WDR41: variants seen among roughly 807,000 people sequenced by gnomAD.
WDR41 encodes WD repeat-containing protein 41.
In WDR41, 63 loss-of-function variants were observed where a neutral mutation model predicts 69.3. That is an observed-to-expected ratio of 0.91 (90% CI 0.74 to 1.12). The LOEUF is 1.12. Among genes scored for constraint, WDR41 ranks in the 50% most tolerant of loss-of-function variants. The probability of loss-of-function intolerance (pLI) is 0.00; values close to 1 mark genes in which losing one functional copy is unlikely to be tolerated. For missense variants in WDR41, 543 were observed against 534.5 expected (o/e 1.02, Z -0.16); for synonymous variants, 185 against 192.1 (o/e 0.96, Z 0.31).
At chr5:77,469,287 A>C (rs335653) in intron 2 of WDR41, among the ~76,000 whole-genome samples, 85,415 of 151,908 alleles carry the variant, frequency 0.56, 24,568 homozygotes, top group African/African-American at 0.68. Context: ...GACATACCTA[A>C]TGTAAATGAT....
chr5:77,515,311 G>T (rs1802277043), intron 1 of WDR41, among the ~76,000 whole-genome samples: 1 of 151,906 alleles, frequency 6.6e-6, no homozygotes, highest in Admixed American at 6.6e-5. Context: ...ATACACACTA[G>T]CTTAGGCCTA....
At chr5:77,511,457 T>C (rs867306663) in intron 1 of WDR41, among the ~76,000 whole-genome samples, 1 of 152,252 alleles carries the variant, frequency 6.6e-6, no homozygotes, top group Admixed American at 6.5e-5. Context: ...GCATTTGTGA[T>C]GACAGAAATC....
intron 2 of WDR41, among the ~76,000 whole-genome samples, chr5:77,478,772 G>A (rs1393456274): frequency 6.6e-6 from 1 of 150,428 alleles, no homozygotes; most frequent in Non-Finnish European, 1.5e-5. Flanking sequence ...GCACAAGACA[G>A]GGATGCCCTC....
intron 1 of WDR41, among the ~76,000 whole-genome samples, chr5:77,550,530 G>A (rs1469267108): frequency 6.6e-6 from 1 of 152,160 alleles, no homozygotes; most frequent in African/African-American, 2.4e-5. Context: ...AATCCATGAT[G>A]AGATACCATC....
At position 77,437,465 on chromosome 5, in the gene WDR41, A is replaced by T. The variant is rs192076526; in HGVS notation, c.1005-41T>A. ...ATCAGTAATACAAAAAGAGCGCACC[A>T]CTGAGGGCCAATGCTAAATTTGCAG... On this transcript the variant is annotated intron_variant, in intron 10 of 12. Coordinates refer to ENST00000296679, the MANE Select transcript of WDR41 (RefSeq NM_018268.4). 1.3e-4 allele frequency: 204 copies of T among 1,535,290 alleles called. No individual in the cohort carries two copies. The African/African-American group carries it at 2.4e-3, about 18-fold the overall frequency.
At chr5:77,496,994 G>A (rs1200788688), upstream of WDR41, among the ~76,000 whole-genome samples, 1 of 152,010 alleles carries the variant, frequency 6.6e-6, no homozygotes, top group African/African-American at 2.4e-5. Context: ...CATCCAATGG[G>A]GAAAGGACAG....
chr5:77,472,079 T>A (rs952630230), intron 2 of WDR41, among the ~76,000 whole-genome samples: 1 of 152,162 alleles, frequency 6.6e-6, no homozygotes, highest in African/African-American at 2.4e-5. Context: ...TCCACCATGA[T>A]CAAGTGGGCT....
At chr5:77,456,610 AATG>A (rs1799844519) in intron 5 of WDR41, among the ~76,000 whole-genome samples, 1 of 152,186 alleles carries the variant, frequency 6.6e-6, no homozygotes, top group Non-Finnish European at 1.5e-5. Flanking sequence ...CCTCCAGTAC[AATG>A]TTAAACAGAT....
intron 1 of WDR41, among the ~76,000 whole-genome samples, chr5:77,511,307 T>C (rs1406820424): frequency 1.3e-5 from 2 of 152,198 alleles, no homozygotes; most frequent in African/African-American, 2.4e-5. Flanking sequence ...ATTCAAAGAA[T>C]TGTTCTGCTA....
chr5:77,613,390 A>G (rs1331556698), intron 1 of WDR41, among the ~76,000 whole-genome samples: 1 of 152,154 alleles, frequency 6.6e-6, no homozygotes, highest in East Asian at 1.9e-4. Flanking sequence ...CCTGACTTCA[A>G]ACTATACTAC....
chr5:77,558,645 A>T (rs1416253762), intron 1 of WDR41, among the ~76,000 whole-genome samples: 1 of 152,250 alleles, frequency 6.6e-6, no homozygotes, highest in Non-Finnish European at 1.5e-5. Flanking sequence ...TTCTGCATAG[A>T]GAAATAAGTT....
intron 12 of WDR41, 80 bp from the exon 13 acceptor site, chr5:77,433,367 T>TCA: frequency 7.3e-7 from 1 of 1,365,110 alleles, no homozygotes; most frequent in East Asian, 2.4e-5. Flanking sequence ...CATGTGCGTG[T>TCA]GAGATATGTG....
At chr5:77,501,530 C>T (rs918696890) in intron 1 of WDR41, among the ~76,000 whole-genome samples, 2 of 152,222 alleles carry the variant, frequency 1.3e-5, no homozygotes, top group Non-Finnish European at 2.9e-5. Flanking sequence ...CAGTGGTTCT[C>T]CCAGCACAGC....
chr5:77,507,612 T>C (rs765848469), intron 1 of WDR41, among the ~76,000 whole-genome samples: 5 of 152,192 alleles, frequency 3.3e-5, no homozygotes, highest in African/African-American at 4.8e-5. Context: ...ACAGATTTTT[T>C]TGTCAGTCAA....
intron 2 of WDR41, among the ~76,000 whole-genome samples, chr5:77,474,844 T>C (rs1245812259): frequency 6.6e-6 from 1 of 152,188 alleles, no homozygotes; most frequent in Non-Finnish European, 1.5e-5. Flanking sequence ...AGCTCCGGTC[T>C]ACAGCTCCCA....
rs559676240 is a variant in WDR41 at position 77,509,452 on chromosome 5, A to G, written c.43-19880T>C. Among the ~76,000 whole-genome samples, 180 of 152,344 alleles carry G rather than the reference A, an allele frequency of 1.2e-3. 1 individual carries two copies. Among genetic ancestry groups the G allele is most frequent in the African/African-American group, 4.2e-3 (173 of 41,582 alleles). Reference sequence around the variant, plus strand: ...ATAGCAGCACTATTCATCATACTCAAAAGGGGAAAGAACTCAAATTGATAA... The same window carrying G: ...ATAGCAGCACTATTCATCATACTCAGAAGGGGAAAGAACTCAAATTGATAA... On this transcript the variant is annotated intron_variant, in intron 1 of 5. Transcript: ENST00000509971.
rs552758439 is a variant in WDR41, at chr5:77,439,033, A to T, written c.883-672T>A. On this transcript the variant is annotated intron_variant, in intron 9 of 12. Coordinates refer to ENST00000296679, the MANE Select transcript of WDR41 (RefSeq NM_018268.4). ...GCCATTTTCCAGATAAGGAATTTAA[A>T]ATTAAAGAGATTAAAGTCACACAAG... Among the ~76,000 whole-genome samples the T allele has an allele frequency of 7.9e-5, 12 of 152,322 alleles. 1 individual carries two copies. In the South Asian group the frequency reaches 2.5e-3, roughly 32 times the overall value.
rs551953243 is a variant in WDR41, at chr5:77,449,748, C to T, written c.697+12G>A. 1 of 1,567,614 alleles carries T rather than the reference C, an allele frequency of 6.4e-7. No individual in the cohort carries two copies. The highest frequency in any genetic ancestry group is 1.1e-5 in the South Asian group (1 of 89,788). The stretch of plus-strand genomic sequence containing the variant: ...CAAAACTGTACATAATAAATGTACA[C>T]AATGAGCTTACCATTGACATTAATC... On this transcript the variant is annotated intron_variant, in intron 8 of 12. Transcript: ENST00000296679.
rs1384057441 is a variant in WDR41, at chr5:77,616,996, C to T, written c.42+3483G>A. The stretch of plus-strand genomic sequence containing the variant: ...GCATTTCTTCAACGGCCTTCAGGGA[C>T]ACTCACTGTCCATGTCCATTGCTCC... On this transcript the variant is annotated intron_variant, in intron 1 of 5. Coordinates refer to the WDR41 transcript ENST00000509971. Among the ~76,000 whole-genome samples, 3 of 152,220 alleles carry T rather than the reference C, an allele frequency of 2.0e-5. No homozygotes were observed. In the East Asian group the frequency reaches 5.8e-4, roughly 29 times the overall value.
Sources: allele counts gnomAD v4.1 joint callset (sites outside exome capture counted in the v4.1 genomes callset), GRCh38; gene constraint gnomAD v4.1.1; transcripts MANE v1.5; gene names NCBI Gene and HGNC (gene_info 2026-07-23, HGNC 2026-07-21).